The following LHCGR variants were observed in gnomAD, a reference collection of about 807,000 sequenced individuals.
LHCGR encodes the protein luteinizing hormone/choriogonadotropin receptor, also known as lutropin-choriogonadotropic hormone receptor.
LHCGR carries 55 observed loss-of-function variants against 60.7 expected under a neutral mutation model. The observed-to-expected ratio is 0.91, with a 90% CI of 0.73 to 1.13. The LOEUF is 1.13. Among genes scored for constraint, LHCGR ranks in the 50% most tolerant of loss-of-function variants. The pLI is 0.00. For synonymous variants in LHCGR, 337 were observed against 316.5 expected, an observed-to-expected ratio of 1.06 and a Z score of -0.69; for missense variants, 862 against 836.0, an observed-to-expected ratio of 1.03 and a Z score of -0.38.
chr2:48,699,364 T>TCC (rs906486068), intron 8 of LHCGR, among the ~76,000 whole-genome samples: 1 of 152,022 alleles, frequency 6.6e-6, no homozygotes, highest in Non-Finnish European at 1.5e-5. Context: ...TCTCTCTCTC[T>TCC]CCCCTCTTCC....
At chr2:48,690,747 C>G (rs1368524582) in intron 10 of LHCGR, among the ~76,000 whole-genome samples, 1 of 152,208 alleles carries the variant, frequency 6.6e-6, no homozygotes. Flanking sequence ...ATTTATCCTC[C>G]TGCCAGAGCT....
chr2:48,750,218 GTGGAT>G (rs149862638), intron 1 of LHCGR, among the ~76,000 whole-genome samples: 1 of 152,266 alleles, frequency 6.6e-6, no homozygotes, highest in East Asian at 1.9e-4. Flanking sequence ...CTTTCTGTCT[GTGGAT>G]TCTTTCCTGG....
intron 1 of LHCGR, among the ~76,000 whole-genome samples, chr2:48,746,385 C>G (rs1669707239): frequency 6.6e-6 from 1 of 152,166 alleles, no homozygotes; most frequent in East Asian, 1.9e-4. Context: ...GCTCAGATAT[C>G]TCTTTTAGGA....
At chr2:48,711,433 T>A (rs1667984503) in intron 7 of LHCGR, among the ~76,000 whole-genome samples, 1 of 152,238 alleles carries the variant, frequency 6.6e-6, no homozygotes, top group South Asian at 2.1e-4. Context: ...AATAAATGTT[T>A]GTTGAATGAA....
intron 1 of LHCGR, among the ~76,000 whole-genome samples, chr2:48,747,925 C>T (rs1019708002): frequency 5.3e-5 from 8 of 152,074 alleles, no homozygotes; most frequent in Non-Finnish European, 4.4e-5. Context: ...GTGAGAGGAC[C>T]GAAGGCTTTG....
chr2:48,695,595 T>C (rs2104384223), intron 9 of LHCGR, among the ~76,000 whole-genome samples: 1 of 152,278 alleles, frequency 6.6e-6, no homozygotes, highest in Non-Finnish European at 1.5e-5. Flanking sequence ...AAAAGACATG[T>C]GCACTTATAT....
chr2:48,706,417 T>A (rs1300925867), intron 8 of LHCGR, among the ~76,000 whole-genome samples: 1 of 152,192 alleles, frequency 6.6e-6, no homozygotes, highest in African/African-American at 2.4e-5. Context: ...GTTCTCTGTA[T>A]TTCCTGAATT....
chr2:48,738,400 C>A (rs948919164), intron 1 of LHCGR, among the ~76,000 whole-genome samples: 13 of 152,300 alleles, frequency 8.5e-5, no homozygotes, highest in African/African-American at 3.1e-4. Flanking sequence ...TTTTCTCCAC[C>A]TGGACTATTC....
rs1668119284 is a variant in LHCGR at position 48,713,993 on chromosome 2, T to C, written c.598A>G (p.Thr200Ala). 2 of 1,606,290 alleles carry C rather than the reference T, an allele frequency of 1.2e-6. No homozygotes were observed. The highest frequency in any genetic ancestry group is 1.7e-6 in the Non-Finnish European group (2 of 1,172,900). The change falls in exon 7 of 11, where the codon ACT becomes GCT. Residue 200 changes from threonine to alanine, a missense_variant. Physicochemically the swap from Thr to Ala is moderately conservative, Grantham distance 58. Coordinates refer to ENST00000294954, the MANE Select transcript of LHCGR (RefSeq NM_000233.4). ...QSHAFNGTTL[T>A]SLELKENVHL... ...AAATAAGCAAATACTTACAGTGAAG[T>C]CAGTGTCGTCCCATTGAATGCATGA...
chr2:48,709,707 A>G (rs1222363366), intron 7 of LHCGR, among the ~76,000 whole-genome samples: 2 of 151,598 alleles, frequency 1.3e-5, no homozygotes, highest in African/African-American at 4.9e-5. Context: ...GCTGTTATGG[A>G]AGTAGCTCCC....
intron 7 of LHCGR, 54 bp from the exon 8 acceptor site, chr2:48,709,076 C>A (rs1328594397): frequency 2.9e-6 from 4 of 1,377,200 alleles, no homozygotes; most frequent in African/African-American, 1.4e-5. Context: ...TGTAAGCATT[C>A]GTAGCTCCAT....
intron 4 of LHCGR, among the ~76,000 whole-genome samples, chr2:48,724,085 A>AT (rs2104452908): frequency 6.6e-6 from 1 of 152,340 alleles, no homozygotes; most frequent in South Asian, 2.1e-4. Context: ...GCATCCTTAA[A>AT]TTTTGGAGCA....
intron 4 of LHCGR, among the ~76,000 whole-genome samples, chr2:48,723,941 G>A (rs1668612465): frequency 6.6e-6 from 1 of 152,134 alleles, no homozygotes; most frequent in African/African-American, 2.4e-5. Flanking sequence ...CTGGGGACTG[G>A]GGCCAAATTT....
At chr2:48,744,454 G>T (rs1249860285) in intron 1 of LHCGR, among the ~76,000 whole-genome samples, 6 of 99,752 alleles carry the variant, frequency 6.0e-5, no homozygotes, top group Non-Finnish European at 9.8e-5. Context: ...ATACTACAAG[G>T]CTACAGTAAC....
intron 1 of LHCGR, among the ~76,000 whole-genome samples, chr2:48,731,553 T>C (rs2103632578): frequency 6.6e-6 from 1 of 152,294 alleles, no homozygotes; most frequent in Admixed American, 6.5e-5. Context: ...TGGACGCAAA[T>C]CTTCGCTGTC....
At chr2:48,748,488 C>G (rs1669808069) in intron 1 of LHCGR, among the ~76,000 whole-genome samples, 2 of 152,262 alleles carry the variant, frequency 1.3e-5, no homozygotes, top group Non-Finnish European at 2.9e-5. Context: ...AAATTAGACT[C>G]AAGGCAATAA....
At chr2:48,734,639 A>T (rs1235178545) in intron 1 of LHCGR, among the ~76,000 whole-genome samples, 1 of 152,110 alleles carries the variant, frequency 6.6e-6, no homozygotes, top group Non-Finnish European at 1.5e-5. Context: ...CTTGTATTCC[A>T]ATAGTTTTGT....
Position 48,688,513 on chromosome 2 carries a change from G to A in LHCGR, c.1284C>T (p.Asn428=). The change falls in exon 11 of 11, where the codon AAC becomes AAT. Residue 428 remains asparagine, a synonymous_variant. Coordinates refer to ENST00000294954, the MANE Select transcript of LHCGR (RefSeq NM_000233.4). This position sits in a 1 kb window ranked among gnomAD's most constrained non-coding sequence, Gnocchi z 5.2. The part of the protein sequence containing the change: ...VDSQTKGQYY[N]HAIDWQTGSG... ...TCCCTGTCTGCCAGTCTATGGCATGGTTATAGTACTGGCCCTTGGTTTGGG... is the reference window on the plus strand; with the variant it reads ...TCCCTGTCTGCCAGTCTATGGCATGATTATAGTACTGGCCCTTGGTTTGGG... 6.2e-7 allele frequency: 1 copy of A among 1,614,126 alleles called. No homozygotes were observed. The highest frequency in any genetic ancestry group is 1.1e-5 in the South Asian group (1 of 91,084).
rs536440392 is a variant in LHCGR, at chr2:48,694,077, A to G, written c.947+147T>C. On this transcript the variant is annotated intron_variant, in intron 10 of 10. Transcript: ENST00000294954. ...ATCAACTTGATGCCAATTGCAAAGA[A>G]AAAATTCCCATTTTAAAACTATTAA... is the stretch of plus-strand genomic sequence containing the variant. 9 of 647,030 alleles carry G rather than the reference A, an allele frequency of 1.4e-5. No individual in the cohort carries two copies. The South Asian group carries it at 1.6e-4, about 11-fold the overall frequency. 40.1% of individuals were successfully genotyped at this position (647,030 alleles called of 1,614,324 possible).
Sources: allele counts gnomAD v4.1 joint callset (sites outside exome capture counted in the v4.1 genomes callset), GRCh38; gene constraint gnomAD v4.1.1; non-coding constraint Gnocchi (gnomAD v3.1); transcripts MANE v1.5; gene names NCBI Gene and HGNC (gene_info 2026-07-23, HGNC 2026-07-21).